Variants in THRB observed in about 807,000 individuals in gnomAD.
The protein encoded by THRB is nuclear receptor subfamily 1 group A member 2.
THRB carries 12 observed loss-of-function variants against 47.8 expected under a neutral mutation model. That is an observed-to-expected ratio of 0.25 (90% CI 0.16 to 0.41). The LOEUF (loss-of-function observed/expected upper bound fraction) is 0.41, where lower values mean the gene tolerates loss of function less well. Among genes scored for constraint, THRB ranks in the 10% least tolerant of loss-of-function variants. The probability of loss-of-function intolerance (pLI) is 1.00; values close to 1 mark genes in which losing one functional copy is unlikely to be tolerated. For synonymous variants in THRB, 218 were observed against 212.2 expected (o/e 1.03, Z -0.24); for missense variants, 348 against 589.2 (o/e 0.59, Z 4.24).
intron 4 of THRB, among the ~76,000 whole-genome samples, chr3:24,208,749 G>C (rs1190160624): frequency 6.6e-6 from 1 of 152,148 alleles, no homozygotes; most frequent in East Asian, 1.9e-4. Flanking sequence ...AAAAACCCTA[G>C]AAGAAAACCT....
At chr3:24,479,503 G>T (rs949007974) in intron 1 of THRB, among the ~76,000 whole-genome samples, 21 of 152,162 alleles carry the variant, frequency 1.4e-4, no homozygotes, top group African/African-American at 5.1e-4. Context: ...ACCATGACCA[G>T]TAGGCTGTCT....
chr3:24,369,079 C>T (rs2064714508), intron 1 of THRB, among the ~76,000 whole-genome samples: 1 of 152,056 alleles, frequency 6.6e-6, no homozygotes, highest in Admixed American at 6.6e-5. Context: ...GTTGCCCAGG[C>T]TGGTCTCAAA....
intron 1 of THRB, among the ~76,000 whole-genome samples, chr3:24,468,324 T>C (rs1335066391): frequency 6.6e-6 from 1 of 152,226 alleles, no homozygotes. Flanking sequence ...ATCATTCATG[T>C]GTTCATTAGA....
intron 1 of THRB, among the ~76,000 whole-genome samples, chr3:24,386,728 A>T (rs1021950269): frequency 1.3e-5 from 2 of 152,130 alleles, no homozygotes; most frequent in Non-Finnish European, 2.9e-5. Context: ...AAGACACCAG[A>T]ATTTGGCTTC....
intron 1 of THRB, among the ~76,000 whole-genome samples, chr3:24,338,638 G>A (rs2062425771): frequency 6.6e-6 from 1 of 152,222 alleles, no homozygotes; most frequent in African/African-American, 2.4e-5. Flanking sequence ...GTGTGCATAT[G>A]TATGTGAGCA....
At chr3:24,495,408 GCCGACC>G (rs566586475), upstream of THRB, 144 of 153,440 alleles carry the variant, frequency 9.4e-4, no homozygotes, top group South Asian at 3.7e-3. Flanking sequence ...CGCCCGGCTT[GCCGACC>G]CCGACCCCGA....
chr3:24,153,082 G>C lies in THRB; in HGVS notation c.284-592C>G, dbSNP rs576511366. ...GCCAGTGACTCAAGCAGAGAGGCCAGGATTTGAGCACTGTGAGTTCTAGAT... is the reference window on the plus strand; with the variant it reads ...GCCAGTGACTCAAGCAGAGAGGCCACGATTTGAGCACTGTGAGTTCTAGAT... On this transcript the variant is annotated intron_variant, in intron 5 of 10. Transcript: ENST00000646209. 7.9e-5 allele frequency among the ~76,000 whole-genome samples: 12 copies of C among 152,142 alleles called. No individual in the cohort carries two copies. The South Asian group carries it at 2.5e-3, about 32-fold the overall frequency.
At chr3:24,278,644 A>G (rs1260750747) in intron 3 of THRB, among the ~76,000 whole-genome samples, 1 of 152,196 alleles carries the variant, frequency 6.6e-6, no homozygotes. Context: ...AGATTAAAAA[A>G]ATTACTCATC....
rs559325556 is a variant in THRB at position 24,118,973 on chromosome 3, GTTTTTTTTTTTT to G, written c.*3899_*3910del. On this transcript the variant is annotated 3_prime_UTR_variant, in exon 11 of 11. Transcript: ENST00000646209. ...GCCAAACCTTTTTTCCCCCAGTCTGGTTTTTTTTTTTTTTTTTTTTTTTTTTTTTTGAGTGTG... is the reference window on the plus strand; with the variant it reads ...GCCAAACCTTTTTTCCCCCAGTCTGGTTTTTTTTTTTTTTTTTTGAGTGTG... 20 of 49,534 alleles carry G rather than the reference GTTTTTTTTTTTT, an allele frequency of 4.0e-4. No homozygotes were observed. In the South Asian group the frequency reaches 8.6e-3, roughly 21 times the overall value. The allele number at this position is 49,534 out of a possible 1,614,324, so 3.1% of individuals were successfully genotyped here.
At chr3:24,389,298 C>G (rs954741474) in intron 1 of THRB, among the ~76,000 whole-genome samples, 1 of 151,998 alleles carries the variant, frequency 6.6e-6, no homozygotes, top group Non-Finnish European at 1.5e-5. Context: ...GCTGTGCTGC[C>G]GGTGTGTAGG....
chr3:24,262,337 T>C (rs777647562), intron 3 of THRB, among the ~76,000 whole-genome samples: 2 of 152,234 alleles, frequency 1.3e-5, no homozygotes, highest in South Asian at 2.1e-4. Context: ...ATTCTCAACA[T>C]AGCAGCCAGA....
At chr3:24,269,787 T>C (rs2053135667) in intron 3 of THRB, among the ~76,000 whole-genome samples, 1 of 152,178 alleles carries the variant, frequency 6.6e-6, no homozygotes, top group East Asian at 1.9e-4. Flanking sequence ...GTTCCATCAC[T>C]ATTTTATTCA....
intron 5 of THRB, among the ~76,000 whole-genome samples, chr3:24,185,082 G>T (rs2042399945): frequency 6.6e-6 from 1 of 152,106 alleles, no homozygotes; most frequent in South Asian, 2.1e-4. Context: ...TTGTCTTTAT[G>T]AAGAGCATGA....
chr3:24,166,023 C>T (rs1483488975), intron 5 of THRB, among the ~76,000 whole-genome samples: 3 of 152,172 alleles, frequency 2.0e-5, no homozygotes, highest in Non-Finnish European at 4.4e-5. Flanking sequence ...TTGAATGTTA[C>T]TGACTGGGTT....
chr3:24,236,274 T>C (rs773505329), intron 3 of THRB, among the ~76,000 whole-genome samples: 25 of 152,096 alleles, frequency 1.6e-4, no homozygotes, highest in Non-Finnish European at 3.4e-4. Context: ...TGGCTTTGGG[T>C]CTCAGTTTAG....
At chr3:24,186,186 AAC>A (rs2042550938) in intron 5 of THRB, among the ~76,000 whole-genome samples, 1 of 152,142 alleles carries the variant, frequency 6.6e-6, no homozygotes, top group Non-Finnish European at 1.5e-5. Context: ...GGCTGGCAAG[AAC>A]ATAGAAGGCT....
intron 3 of THRB, among the ~76,000 whole-genome samples, chr3:24,287,496 G>T (rs1435092974): frequency 6.6e-6 from 1 of 151,908 alleles, no homozygotes; most frequent in Admixed American, 6.5e-5. Flanking sequence ...TAACTTGTAT[G>T]AGGCCACTGT....
At chr3:24,394,812 A>G (rs917890338) in intron 1 of THRB, among the ~76,000 whole-genome samples, 6 of 152,098 alleles carry the variant, frequency 3.9e-5, no homozygotes, top group African/African-American at 1.2e-4. Context: ...ATCACGCTTC[A>G]CTTAATTCCT....
chr3:24,381,046 C>G (rs918105054), intron 1 of THRB, among the ~76,000 whole-genome samples: 1 of 145,628 alleles, frequency 6.9e-6, no homozygotes, highest in Non-Finnish European at 1.5e-5. Flanking sequence ...ACTTGGGAGG[C>G]GGAGGTTGCA....
Sources: allele counts gnomAD v4.1 joint callset (sites outside exome capture counted in the v4.1 genomes callset), GRCh38; gene constraint gnomAD v4.1.1; transcripts MANE v1.5; gene names NCBI Gene and HGNC (gene_info 2026-07-23, HGNC 2026-07-21).